CABLES1: variants seen among roughly 807,000 people sequenced by gnomAD.
CABLES1 encodes the protein CDK5 and ABL1 enzyme substrate 1.
CABLES1 carries 36 observed loss-of-function variants against 57.8 expected under a neutral mutation model. The ratio of observed to expected loss-of-function variants is 0.62; its 90% CI spans 0.48 to 0.82. The LOEUF is 0.82. Among genes scored for constraint, CABLES1 ranks in the 40% least tolerant of loss-of-function variants. CABLES1 has a pLI of 0.00. For missense variants in CABLES1, 767 were observed against 836.6 expected (o/e 0.92, Z 1.03); for synonymous variants, 374 against 363.0 (o/e 1.03, Z -0.35).
At chr18:23,157,482 T>A (rs1416918301) in intron 1 of CABLES1, among the ~76,000 whole-genome samples, 2 of 152,012 alleles carry the variant, frequency 1.3e-5, no homozygotes, top group African/African-American at 2.4e-5. Flanking sequence ...TCCCTGTTGA[T>A]CAGGAAGCCA....
intron 1 of CABLES1, among the ~76,000 whole-genome samples, chr18:23,172,282 C>T (rs145348936): frequency 5.9e-5 from 9 of 152,256 alleles, no homozygotes; most frequent in East Asian, 3.9e-4. Context: ...CTGTTCCTGT[C>T]GTTACCTCTG....
chr18:23,244,790 G>A (rs1260523564), intron 7 of CABLES1, among the ~76,000 whole-genome samples: 1 of 152,200 alleles, frequency 6.6e-6, no homozygotes, highest in Non-Finnish European at 1.5e-5. Flanking sequence ...CCTGCCCCAG[G>A]TCTTACAGCT....
At chr18:23,137,219 AT>A (rs1568039078) in intron 1 of CABLES1, among the ~76,000 whole-genome samples, 1 of 151,994 alleles carries the variant, frequency 6.6e-6, no homozygotes. Flanking sequence ...GGCTTGAGGG[AT>A]TTTTTTCCTA....
intron 7 of CABLES1, among the ~76,000 whole-genome samples, chr18:23,246,265 C>CA (rs111345466): frequency 0.045 from 6,304 of 140,634 alleles, 265 homozygotes; most frequent in African/African-American, 0.11. Flanking sequence ...GACTCCATCT[C>CA]AAAAAAAAAA....
chr18:23,218,113 A>G (rs978540142), intron 4 of CABLES1, among the ~76,000 whole-genome samples: 1 of 152,244 alleles, frequency 6.6e-6, no homozygotes, highest in Non-Finnish European at 1.5e-5. Flanking sequence ...ATCACAAGAA[A>G]GTTCTAAAAA....
rs1417758850 is a variant in CABLES1, at chr18:23,258,531, A to C, written c.*1164A>C. ...GTCCTGGCTTACTGGGACAGTCTGT[A>C]TGAGGCATGTCACCACACTGTCGCC... On this transcript the variant is annotated 3_prime_UTR_variant, in exon 10 of 10. Transcript: ENST00000256925. The C allele has an allele frequency of 4.6e-5, 7 of 152,176 alleles. No homozygotes were observed. The highest frequency in any genetic ancestry group is 1.5e-5 in the Non-Finnish European group (1 of 68,042). The allele number at this position is 152,176 out of a possible 1,614,324, so 9.4% of individuals were successfully genotyped here.
At chr18:23,223,756 CCTT>C (rs924648545) in intron 4 of CABLES1, among the ~76,000 whole-genome samples, 3 of 152,000 alleles carry the variant, frequency 2.0e-5, no homozygotes, top group African/African-American at 7.3e-5. Flanking sequence ...ACAATCTACT[CCTT>C]ATTGCCAGGC....
intron 7 of CABLES1, among the ~76,000 whole-genome samples, chr18:23,244,014 T>G (rs1022355930): frequency 2.0e-5 from 3 of 152,370 alleles, no homozygotes; most frequent in African/African-American, 7.2e-5. Flanking sequence ...TATTGCAACA[T>G]CTGCTCTCTT....
chr18:23,243,475 T>TG (rs1356973076), intron 7 of CABLES1, among the ~76,000 whole-genome samples: 7 of 149,352 alleles, frequency 4.7e-5, no homozygotes, highest in East Asian at 3.9e-4. Context: ...GGTGTTTTTT[T>TG]TTTTTTTTTT....
intron 3 of CABLES1, chr18:23,204,667 A>G (rs2047349809): frequency 2.6e-5 from 4 of 152,266 alleles, no homozygotes; most frequent in Admixed American, 2.6e-4. Context: ...CTGAGTAAAA[A>G]AAGAAAAAGA....
intron 2 of CABLES1, chr18:23,189,112 G>A (rs1487069078): frequency 1.9e-6 from 1 of 522,712 alleles, no homozygotes; most frequent in African/African-American, 1.9e-5. Flanking sequence ...TTAGGTGTTG[G>A]AGTAGCCCAA....
chr18:23,181,261 C>T lies in CABLES1; in HGVS notation c.846-7577C>T, dbSNP rs568862349. 4.6e-5 allele frequency among the ~76,000 whole-genome samples: 7 copies of T among 152,038 alleles called. No homozygotes were observed. The East Asian group carries it at 1.2e-3, about 25-fold the overall frequency. On this transcript the variant is annotated intron_variant, in intron 1 of 9. Coordinates refer to ENST00000256925, the MANE Select transcript of CABLES1 (RefSeq NM_001100619.3). ...GTAATCCCAGCACTTTGGGAGGCCTCGGCGGGTGGATCACCTGAGGTCAGG... is the reference window on the plus strand; with the variant it reads ...GTAATCCCAGCACTTTGGGAGGCCTTGGCGGGTGGATCACCTGAGGTCAGG...
chr18:23,225,292 A>T (rs1022472495), intron 4 of CABLES1, among the ~76,000 whole-genome samples: 2 of 152,210 alleles, frequency 1.3e-5, no homozygotes, highest in Non-Finnish European at 2.9e-5. Flanking sequence ...ATCTGCTTTT[A>T]TTCAGTCTTT....
At chr18:23,203,075 C>T (rs552738835) in intron 3 of CABLES1, among the ~76,000 whole-genome samples, 5 of 152,034 alleles carry the variant, frequency 3.3e-5, no homozygotes, top group East Asian at 1.9e-4. Context: ...AAGGACCTTT[C>T]GTCTTGGTGC....
chr18:23,251,273 C>T (rs1420486558), intron 7 of CABLES1, among the ~76,000 whole-genome samples: 1 of 151,936 alleles, frequency 6.6e-6, no homozygotes, highest in East Asian at 1.9e-4. Flanking sequence ...GCCAACATGG[C>T]GAACCCCCAT....
chr18:23,152,909 C>T (rs2046940441), intron 1 of CABLES1, among the ~76,000 whole-genome samples: 1 of 151,976 alleles, frequency 6.6e-6, no homozygotes, highest in African/African-American at 2.4e-5. Flanking sequence ...TCAAATGACT[C>T]TCCTGCCTCA....
intron 1 of CABLES1, among the ~76,000 whole-genome samples, chr18:23,139,888 G>C (rs527583102): frequency 1.2e-4 from 18 of 152,322 alleles, no homozygotes; most frequent in Non-Finnish European, 2.6e-4. Flanking sequence ...GTAAATGTTT[G>C]TGTATTATAC....
chr18:23,158,032 G>C (rs1475081974), intron 1 of CABLES1, among the ~76,000 whole-genome samples: 1 of 151,482 alleles, frequency 6.6e-6, no homozygotes, highest in African/African-American at 2.4e-5. Context: ...CTGTAATCCC[G>C]GCACTTTGGG....
intron 1 of CABLES1, among the ~76,000 whole-genome samples, chr18:23,179,057 G>A (rs2047145157): frequency 6.6e-6 from 1 of 152,132 alleles, no homozygotes; most frequent in African/African-American, 2.4e-5. Context: ...AGGCCGAGGC[G>A]GGCCAATTGC....
Sources: allele counts gnomAD v4.1 joint callset (sites outside exome capture counted in the v4.1 genomes callset), GRCh38; gene constraint gnomAD v4.1.1; transcripts MANE v1.5; gene names NCBI Gene and HGNC (gene_info 2026-07-23, HGNC 2026-07-21).